Variants in MCMDC2 observed in about 807,000 individuals in gnomAD.
MCMDC2 encodes minichromosome maintenance domain containing 2, also known as minichromosome maintenance domain-containing protein 2.
Under a neutral mutation model 75.8 loss-of-function variants are expected in MCMDC2, and 54 were observed. That is an observed-to-expected ratio of 0.71 (90% CI 0.57 to 0.89). The LOEUF is 0.89. Among genes scored for constraint, MCMDC2 ranks in the 40% least tolerant of loss-of-function variants. The pLI, the probability that MCMDC2 is intolerant of heterozygous loss-of-function variation, is 0.00. For missense variants in MCMDC2, 656 were observed against 780.4 expected, an observed-to-expected ratio of 0.84 and a Z score of 1.90; for synonymous variants, 249 against 274.6, an observed-to-expected ratio of 0.91 and a Z score of 0.92.
chr8:66,879,108 A>T (rs917091349), intron 7 of MCMDC2, among the ~76,000 whole-genome samples, 189 bp downstream of exon 7: 5 of 152,072 alleles, frequency 3.3e-5, no homozygotes, highest in African/African-American at 1.2e-4. Flanking sequence ...ATTAAAAAAT[A>T]AAAAATTAGC....
chr8:66,878,102 C>T lies in MCMDC2; in HGVS notation c.482-472C>T, dbSNP rs78029956. On this transcript the variant is annotated intron_variant, in intron 5 of 14. Transcript: ENST00000422365. ...GCTCTTCTCACACATTATTTCATGA[C>T]GTTGTGAGTGAAACGTTTAATGTCC... Among the ~76,000 whole-genome samples, 694 of 152,144 alleles carry T rather than the reference C, an allele frequency of 4.6e-3. 9 individuals carry two copies. Among genetic ancestry groups the T allele is most frequent in the African/African-American group, 0.016 (658 of 41,510 alleles).
Position 66,880,860 on chromosome 8 carries a change from A to G in MCMDC2, c.721A>G (p.Asn241Asp), listed in dbSNP as rs1466045285. The change falls in exon 8 of 15, where the codon AAT becomes GAT. Residue 241 changes from asparagine (N) to aspartate (D), a missense_variant. Coordinates refer to ENST00000422365, the MANE Select transcript of MCMDC2 (RefSeq NM_173518.5). ...TTTAATAATTTTAGATGAATCAGTG[A>G]ATAAAATGAATATAGGAAATGAATA... ...LTIFLRDESVNKMNIGNEYKI... is the reference protein window; with the variant it reads ...LTIFLRDESVDKMNIGNEYKI... The G allele has an allele frequency of 2.7e-5, 42 of 1,536,456 alleles. No individual in the cohort carries two copies. Among genetic ancestry groups the G allele is most frequent in the Non-Finnish European group, 3.5e-5 (40 of 1,143,878 alleles).
rs1376771418 is a variant in MCMDC2, at chr8:66,881,023, C to T, written c.835+49C>T. On this transcript the variant is annotated intron_variant, in intron 8 of 14. Transcript: ENST00000422365. Reference sequence around the variant, plus strand: ...TATTAACAAATATTTAAATTTAAATCTATTTGTTCAGCAGATAAGTATTGT... The same window carrying T: ...TATTAACAAATATTTAAATTTAAATTTATTTGTTCAGCAGATAAGTATTGT... 4.5e-6 allele frequency: 6 copies of T among 1,321,022 alleles called. No homozygotes were observed. In the South Asian group the frequency reaches 1.2e-4, roughly 27 times the overall value. 81.8% of individuals were successfully genotyped at this position (1,321,022 alleles called of 1,614,324 possible).
chr8:66,891,800 T>C (rs968942059), intron 10 of MCMDC2, among the ~76,000 whole-genome samples: 2 of 152,196 alleles, frequency 1.3e-5, no homozygotes, highest in African/African-American at 4.8e-5. Context: ...GTCTGGCCAC[T>C]GCACATAGCC....
chr8:66,911,233 C>A (rs1357152765), intron 14 of MCMDC2, among the ~76,000 whole-genome samples: 1 of 152,150 alleles, frequency 6.6e-6, no homozygotes. Flanking sequence ...GTAACTGAAT[C>A]ATGGGGGTGA....
At chr8:66,911,669 C>T (rs1813127634) in intron 14 of MCMDC2, among the ~76,000 whole-genome samples, 1 of 151,490 alleles carries the variant, frequency 6.6e-6, no homozygotes, top group South Asian at 2.1e-4. Context: ...ACTAAAAATA[C>T]AAAAATTAGC....
At chr8:66,917,995 G>A (rs1411580037) in intron 14 of MCMDC2, among the ~76,000 whole-genome samples, 2 of 152,116 alleles carry the variant, frequency 1.3e-5, no homozygotes, top group Non-Finnish European at 2.9e-5. Flanking sequence ...TTTCCACAGT[G>A]GGTGCACCAT....
chr8:66,892,582 G>A (rs768596626), intron 10 of MCMDC2, among the ~76,000 whole-genome samples: 16 of 152,164 alleles, frequency 1.1e-4, no homozygotes, highest in Non-Finnish European at 2.2e-4. Context: ...CTGAGTCTGG[G>A]GTTTTTATGG....
chr8:66,921,484 CAGG>C lies in MCMDC2; in HGVS notation c.*2318_*2320del, dbSNP rs1813529527. 1 of 152,188 alleles carries C rather than the reference CAGG, an allele frequency of 6.6e-6. No individual in the cohort carries two copies. The highest frequency in any genetic ancestry group is 1.5e-5 in the Non-Finnish European group (1 of 68,032). 9.4% of individuals were successfully genotyped at this position (152,188 alleles called of 1,614,324 possible). A position where few individuals can be genotyped will look rare whatever the true frequency, so the allele number is the denominator to read the frequency against. Reference sequence around the variant, plus strand: ...AAGGAATTTATAAGCTAGTACTCAACAGGAGAAAAGATTTAGCTCTAAACCTTC... The same window carrying C: ...AAGGAATTTATAAGCTAGTACTCAACAGAAAAGATTTAGCTCTAAACCTTC... On this transcript the variant is annotated 3_prime_UTR_variant, in exon 15 of 15. Coordinates refer to ENST00000422365, the MANE Select transcript of MCMDC2 (RefSeq NM_173518.5).
At chr8:66,887,130 A>G (rs1000973083) in intron 9 of MCMDC2, among the ~76,000 whole-genome samples, 2 of 152,178 alleles carry the variant, frequency 1.3e-5, no homozygotes, top group African/African-American at 4.8e-5. Context: ...TTCTCCAGAT[A>G]TAAAGCTTTT....
Position 66,877,556 on chromosome 8 carries a change from A to G in MCMDC2, c.481+12A>G, listed in dbSNP as rs371996890. Reference sequence around the variant, plus strand: ...CCCTCTTTCAAAAGGTAAATGTTAAATAGGAAAATCAAAGCATTAAGCAAT... The same window carrying G: ...CCCTCTTTCAAAAGGTAAATGTTAAGTAGGAAAATCAAAGCATTAAGCAAT... On this transcript the variant is annotated intron_variant, in intron 5 of 14. Coordinates refer to ENST00000422365, the MANE Select transcript of MCMDC2 (RefSeq NM_173518.5). The G allele has an allele frequency of 1.9e-6, 3 of 1,584,974 alleles. No homozygotes were observed. The highest frequency in any genetic ancestry group is 2.6e-6 in the Non-Finnish European group (3 of 1,168,016).
chr8:66,904,595 A>C (rs935606346), intron 13 of MCMDC2, among the ~76,000 whole-genome samples: 1 of 152,170 alleles, frequency 6.6e-6, no homozygotes, highest in African/African-American at 2.4e-5. Flanking sequence ...GACTCAGCCT[A>C]GGTTTTCTGA....
chr8:66,910,381 T>C (rs1441978000), intron 14 of MCMDC2, among the ~76,000 whole-genome samples: 1 of 152,186 alleles, frequency 6.6e-6, no homozygotes, highest in Non-Finnish European at 1.5e-5. Context: ...CACCAGCCTG[T>C]GAAAGCAGTG....
chr8:66,888,985 T>C (rs1224332789), intron 9 of MCMDC2, among the ~76,000 whole-genome samples: 4 of 152,222 alleles, frequency 2.6e-5, no homozygotes, highest in Non-Finnish European at 5.9e-5. Flanking sequence ...CCACTCCTTA[T>C]AGGCTTGCAA....
chr8:66,904,020 G>T (rs143484431), intron 13 of MCMDC2, among the ~76,000 whole-genome samples: 50 of 152,170 alleles, frequency 3.3e-4, no homozygotes, highest in African/African-American at 1.2e-3. Flanking sequence ...AATATGAAAA[G>T]ATATGAAAAG....
chr8:66,902,741 T>TATAC (rs1290006413), intron 13 of MCMDC2, among the ~76,000 whole-genome samples: 6 of 133,104 alleles, frequency 4.5e-5, no homozygotes, highest in East Asian at 4.3e-4. Flanking sequence ...TATATATATA[T>TATAC]ACATATATCT....
intron 9 of MCMDC2, among the ~76,000 whole-genome samples, chr8:66,889,749 T>G (rs1310028745): frequency 6.6e-6 from 1 of 152,106 alleles, no homozygotes; most frequent in Non-Finnish European, 1.5e-5. Context: ...GAAGCTGAGA[T>G]TGCTCCATTG....
At chr8:66,878,771 A>G in intron 6 of MCMDC2, 44 bp from the exon 7 acceptor site, 1 of 1,446,872 alleles carries the variant, frequency 6.9e-7, no homozygotes, top group Non-Finnish European at 9.4e-7. Flanking sequence ...ATTAAATTGA[A>G]TATATATTCT....
chr8:66,925,083 A>C (rs1014963118), downstream of MCMDC2, among the ~76,000 whole-genome samples: 1 of 152,124 alleles, frequency 6.6e-6, no homozygotes, highest in Non-Finnish European at 1.5e-5. Context: ...TGGGGACACA[A>C]GAGAGATCTG....
Sources: gnomAD v4.1 joint callset for allele counts (sites outside exome capture counted in the v4.1 genomes callset) on GRCh38, gnomAD v4.1.1 for gene constraint, MANE v1.5 for transcripts, NCBI Gene and HGNC (gene_info 2026-07-23, HGNC 2026-07-21) for gene names.